Variants in CDIN1 observed in about 807,000 individuals in gnomAD.
The protein encoded by CDIN1 is CDAN1-interacting nuclease 1.
A neutral mutation model predicts 45.3 loss-of-function variants in CDIN1; 33 were observed. That is an observed-to-expected ratio of 0.73 (90% confidence interval 0.55 to 0.97). The LOEUF (loss-of-function observed/expected upper bound fraction) is 0.97. Among genes scored for constraint, CDIN1 ranks in the 50% least tolerant of loss-of-function variants. The pLI, the probability that CDIN1 is intolerant of heterozygous loss-of-function variation, is 0.00. For missense variants in CDIN1, 303 were observed against 339.4 expected (o/e 0.89, Z 0.84); for synonymous variants, 118 against 124.4 (o/e 0.95, Z 0.34).
intron 1 of CDIN1, chr15:36,618,264 A>G (rs545690378): frequency 1.2e-5 from 8 of 665,590 alleles, no homozygotes; most frequent in South Asian, 3.5e-5. Context: ...AGGACTCTGT[A>G]TCATTGGGGG....
chr15:36,736,124 A>G (rs2044008627), intron 10 of CDIN1, among the ~76,000 whole-genome samples: 1 of 152,200 alleles, frequency 6.6e-6, no homozygotes, highest in Non-Finnish European at 1.5e-5. Flanking sequence ...TCTTAGCCCA[A>G]GACCTTGCTC....
intron 1 of CDIN1, among the ~76,000 whole-genome samples, chr15:36,627,942 A>AT (rs35889540): frequency 0.42 from 60,329 of 144,232 alleles, 12,955 homozygotes; most frequent in East Asian, 0.64. Flanking sequence ...GAGGCCTGTA[A>AT]TTTTTTTTTT....
chr15:36,634,985 G>C (rs778036848), intron 1 of CDIN1, among the ~76,000 whole-genome samples: 1 of 152,108 alleles, frequency 6.6e-6, no homozygotes, highest in Non-Finnish European at 1.5e-5. Flanking sequence ...TATTTGATTT[G>C]ATGCAGTCTA....
chr15:36,624,213 C>T (rs563431172), intron 1 of CDIN1, among the ~76,000 whole-genome samples: 1 of 152,302 alleles, frequency 6.6e-6, no homozygotes, highest in East Asian at 1.9e-4. Context: ...TGCTCATCCT[C>T]TGGTTTCTCT....
chr15:36,598,281 C>T (rs1467176039), intron 1 of CDIN1, among the ~76,000 whole-genome samples: 4 of 152,170 alleles, frequency 2.6e-5, no homozygotes, highest in Non-Finnish European at 5.9e-5. Context: ...TGTGAGCCAC[C>T]ACACCTGACC....
At chr15:36,593,033 G>C (rs2037655370) in intron 1 of CDIN1, among the ~76,000 whole-genome samples, 1 of 152,110 alleles carries the variant, frequency 6.6e-6, no homozygotes, top group Non-Finnish European at 1.5e-5. Flanking sequence ...TGGTGCCTTA[G>C]AGTCCTTATT....
At chr15:36,701,440 AAGAC>A (rs1452771764) in intron 8 of CDIN1, among the ~76,000 whole-genome samples, 1 of 152,144 alleles carries the variant, frequency 6.6e-6, no homozygotes, top group Non-Finnish European at 1.5e-5. Flanking sequence ...TTTGGACAAA[AAGAC>A]AGGAAAGGAA....
At chr15:36,634,421 T>TCAA (rs916682249) in intron 1 of CDIN1, among the ~76,000 whole-genome samples, 21 of 152,176 alleles carry the variant, frequency 1.4e-4, no homozygotes, top group East Asian at 3.9e-4. Flanking sequence ...AGACTCCGTC[T>TCAA]CAACAACAAC....
chr15:36,773,345 C>A (rs1296295217), intron 10 of CDIN1, among the ~76,000 whole-genome samples: 1 of 152,344 alleles, frequency 6.6e-6, no homozygotes, highest in African/African-American at 2.4e-5. Context: ...TGGTTTATAT[C>A]TGTACTGTCT....
chr15:36,618,350 G>A (rs373095119), intron 1 of CDIN1: 29 of 681,232 alleles, frequency 4.3e-5, no homozygotes, highest in Middle Eastern at 6.1e-4. Context: ...GGGATTAGGA[G>A]CAAACTTAAC....
chr15:36,596,689 A>C (rs892285705), intron 1 of CDIN1, among the ~76,000 whole-genome samples: 2 of 151,906 alleles, frequency 1.3e-5, no homozygotes, highest in African/African-American at 4.8e-5. Context: ...ATTCTTTTAA[A>C]TGAGTTTCAA....
At chr15:36,774,172 G>A (rs974352621) in intron 10 of CDIN1, among the ~76,000 whole-genome samples, 3 of 151,050 alleles carry the variant, frequency 2.0e-5, no homozygotes, top group Admixed American at 1.3e-4. Context: ...GTGCGCGCGC[G>A]CGCATGCATG....
intron 1 of CDIN1, chr15:36,627,131 C>T (rs970072881): frequency 1.1e-5 from 2 of 190,182 alleles, no homozygotes; most frequent in East Asian, 1.6e-4. Flanking sequence ...CTTGTCCTTG[C>T]CCACCTCCAT....
intron 10 of CDIN1, among the ~76,000 whole-genome samples, chr15:36,753,332 G>A (rs566929310): frequency 6.6e-6 from 1 of 152,158 alleles, no homozygotes; most frequent in South Asian, 2.1e-4. Flanking sequence ...GGGAAACCTG[G>A]AGCCCCAAAC....
chr15:36,607,821 C>T (rs1274196472), intron 1 of CDIN1, among the ~76,000 whole-genome samples: 1 of 152,092 alleles, frequency 6.6e-6, no homozygotes, highest in Admixed American at 6.6e-5. Flanking sequence ...GAATATTTTA[C>T]GACCCCAAAA....
At position 36,686,422 on chromosome 15, in the gene CDIN1, C is replaced by T. The variant is rs544753413; in HGVS notation, c.347-5263C>T. On this transcript the variant is annotated intron_variant, in intron 5 of 10. Coordinates refer to ENST00000566621, the MANE Select transcript of CDIN1 (RefSeq NM_001321759.2). ...CTGGGGACTGTTGTGGGGTGGGGGG[C>T]GGGGGAGGGATATCATTGGGAGATA... Among the ~76,000 whole-genome samples the T allele has an allele frequency of 2.6e-3, 181 of 70,240 alleles. 1 individual carries two copies. The highest frequency in any genetic ancestry group is 4.2e-3 in the Admixed American group (20 of 4,756). The allele number at this position is 70,240 out of a possible 152,430, so 46.1% of individuals were successfully genotyped here.
chr15:36,616,989 G>A, intron 1 of CDIN1: 1 of 651,276 alleles, frequency 1.5e-6, no homozygotes, highest in East Asian at 2.5e-5. Flanking sequence ...TAATATTTCA[G>A]AACAAAAACT....
chr15:36,657,771 A>G (rs773255408), intron 4 of CDIN1, 62 bp from the exon 5 acceptor site: 29 of 1,296,612 alleles, frequency 2.2e-5, no homozygotes, highest in Non-Finnish European at 2.8e-5. Context: ...TTGACAAAAT[A>G]CTGGAGTATC....
At chr15:36,755,962 G>A (rs939172194) in intron 10 of CDIN1, 25 of 419,410 alleles carry the variant, frequency 6.0e-5, no homozygotes, top group African/African-American at 3.9e-4. Flanking sequence ...CTGGTATTTC[G>A]AGAATATGGG....
Sources: gnomAD v4.1 joint callset for allele counts (sites outside exome capture counted in the v4.1 genomes callset) on GRCh38, gnomAD v4.1.1 for gene constraint, MANE v1.5 for transcripts, NCBI Gene and HGNC (gene_info 2026-07-23, HGNC 2026-07-21) for gene names.